Variants in PCDHA13 observed in about 807,000 individuals in gnomAD.
The protein encoded by PCDHA13 is protocadherin alpha-13.
Under a neutral mutation model 64.8 loss-of-function variants are expected in PCDHA13, and 54 were observed. The ratio of observed to expected loss-of-function variants is 0.83; its 90% confidence interval spans 0.67 to 1.04. The LOEUF (loss-of-function observed/expected upper bound fraction) is 1.04. Among genes scored for constraint, PCDHA13 ranks in the 50% least tolerant of loss-of-function variants. The pLI is 0.00. For missense variants in PCDHA13, 1,248 were observed against 1,254.3 expected, an observed-to-expected ratio of 0.99 and a Z score of 0.08; for synonymous variants, 587 against 564.4, an observed-to-expected ratio of 1.04 and a Z score of -0.57.
chr5:140,918,517 G>A (rs2078735105), intron 1 of PCDHA13, among the ~76,000 whole-genome samples: 1 of 152,134 alleles, frequency 6.6e-6, no homozygotes, highest in South Asian at 2.1e-4. Flanking sequence ...TAAACTTATT[G>A]AGGATTGTTT....
rs1223534357 is a variant in PCDHA13, at chr5:140,884,305, G to A, written c.2037G>A (p.Ser679=). 2 of 1,613,602 alleles carry A rather than the reference G, an allele frequency of 1.2e-6. No homozygotes were observed. Among genetic ancestry groups the A allele is most frequent in the Non-Finnish European group, 1.7e-6 (2 of 1,179,856 alleles). ...LVESGQAPQA[S]SRASAGAVGP... is the part of the protein sequence containing the mutation. ...AGAGCGGCCAAGCGCCACAGGCTTC[G>A]TCGAGGGCGTCGGCAGGCGCTGTGG... The change falls in exon 1 of 4, where the codon TCG becomes TCA. Residue 679 remains serine, a synonymous_variant. Transcript: ENST00000289272.
intron 1 of PCDHA13, among the ~76,000 whole-genome samples, chr5:140,945,295 T>G (rs2093770302): frequency 6.6e-6 from 1 of 152,084 alleles, no homozygotes; most frequent in Non-Finnish European, 1.5e-5. Flanking sequence ...TGAAAGAAAT[T>G]GAAGAAGACA....
At chr5:140,959,697 CTTTGAAAGGGA>C (rs2095506406) in intron 1 of PCDHA13, among the ~76,000 whole-genome samples, 1 of 152,008 alleles carries the variant, frequency 6.6e-6, no homozygotes, top group Non-Finnish European at 1.5e-5. Flanking sequence ...ATAAAATGAG[CTTTGAAAGGGA>C]AAATTTTTAG....
intron 1 of PCDHA13, among the ~76,000 whole-genome samples, chr5:140,885,076 A>G (rs1032982957): frequency 1.3e-5 from 2 of 152,226 alleles, no homozygotes; most frequent in African/African-American, 4.8e-5. Context: ...ATTATTTTAA[A>G]GAGCCCCATA....
chr5:140,982,120 T>C (rs1554243763), intron 2 of PCDHA13, among the ~76,000 whole-genome samples: 1 of 152,256 alleles, frequency 6.6e-6, no homozygotes, highest in Non-Finnish European at 1.5e-5. Context: ...CTTGGAACTT[T>C]TGAGAACAAG....
At chr5:140,921,676 T>A (rs2080324583) in intron 1 of PCDHA13, among the ~76,000 whole-genome samples, 1 of 152,178 alleles carries the variant, frequency 6.6e-6, no homozygotes, top group South Asian at 2.1e-4. Flanking sequence ...ACAGTTATCA[T>A]CAAACACTGG....
At chr5:140,891,201 T>C (rs1301476369) in intron 1 of PCDHA13, among the ~76,000 whole-genome samples, 3 of 152,214 alleles carry the variant, frequency 2.0e-5, no homozygotes, top group Non-Finnish European at 4.4e-5. Context: ...TTTGCAGTTT[T>C]ACCATGCTGT....
intron 3 of PCDHA13, among the ~76,000 whole-genome samples, chr5:140,994,821 T>C (rs2097651680): frequency 6.6e-6 from 1 of 152,052 alleles, no homozygotes. Flanking sequence ...AAAAACTGAA[T>C]TGTGTAGTCT....
chr5:140,928,802 TG>T, intron 1 of PCDHA13: 1 of 1,614,142 alleles, frequency 6.2e-7, no homozygotes, highest in South Asian at 1.1e-5. Context: ...GTGGTGGTAG[TG>T]GTTCGGGACC....
intron 1 of PCDHA13, among the ~76,000 whole-genome samples, chr5:140,885,964 G>A (rs1326363408): frequency 6.6e-6 from 1 of 151,886 alleles, no homozygotes; most frequent in Non-Finnish European, 1.5e-5. Flanking sequence ...TTTTTATTTT[G>A]AGATAATTAT....
At chr5:140,928,624 C>T (rs782032190) in intron 1 of PCDHA13, 1 of 1,614,242 alleles carries the variant, frequency 6.2e-7, no homozygotes, top group Non-Finnish European at 8.5e-7. Context: ...CAGGACTGGA[C>T]ACTTGGTCAC....
In PCDHA13 at chr5:140,914,736, T is replaced by C. The variant is rs76155363; in HGVS notation, c.2394+30074T>C. Among the ~76,000 whole-genome samples, 1,216 of 152,300 alleles carry C rather than the reference T, an allele frequency of 8.0e-3. 6 individuals are homozygous for C. Among genetic ancestry groups the C allele is most frequent in the African/African-American group, 0.019 (785 of 41,570 alleles). On this transcript the variant is annotated intron_variant, in intron 1 of 3. Transcript: ENST00000289272. ...TTTTTTATTTTTTGTGTATCCATTG[T>C]ATGTTTTTCCATTTGAGGTTACATG...
chr5:140,982,094 G>T (rs2096965818), intron 2 of PCDHA13, among the ~76,000 whole-genome samples: 1 of 152,230 alleles, frequency 6.6e-6, no homozygotes, highest in Admixed American at 6.5e-5. Context: ...AGGAACAAGA[G>T]AACCTGCAAG....
intron 1 of PCDHA13, 52 bp from the exon 2 acceptor site, chr5:140,978,897 G>T: frequency 6.2e-7 from 1 of 1,612,776 alleles, no homozygotes; most frequent in Non-Finnish European, 8.5e-7. Context: ...AGCATTCCTG[G>T]GAGAACATTG....
At chr5:140,995,267 C>T (rs552857413) in intron 3 of PCDHA13, among the ~76,000 whole-genome samples, 1 of 152,192 alleles carries the variant, frequency 6.6e-6, no homozygotes, top group Non-Finnish European at 1.5e-5. Context: ...GAATACAAGC[C>T]CTTTGATACC....
chr5:140,882,561 G>T lies in PCDHA13; in HGVS notation c.293G>T (p.Arg98Leu), dbSNP rs2059195927. The change falls in exon 1 of 4, where the codon CGG becomes CTG. Residue 98 changes from arginine to leucine, a missense_variant. By Grantham distance (102) the Arg-to-Leu change is moderately radical. Coordinates refer to ENST00000289272, the MANE Select transcript of PCDHA13 (RefSeq NM_018904.3). ...SRIDREELCG[R>L]SAECSIHLEV... ...ATCGACCGCGAGGAGCTGTGTGGGC[G>T]GAGCGCGGAGTGCAGCATCCACCTG... is the stretch of plus-strand genomic sequence containing the variant. The T allele has an allele frequency of 1.2e-6, 2 of 1,614,222 alleles. No individual in the cohort carries two copies. Among genetic ancestry groups the T allele is most frequent in the East Asian group, 4.5e-5 (2 of 44,888 alleles).
At position 140,884,480 on chromosome 5, in the gene PCDHA13, A is replaced by G. The variant is rs782532542; in HGVS notation, c.2212A>G (p.Thr738Ala). ...TEGACAPGKP[T>A]LVCSSAAGSW... Reference sequence around the variant, plus strand: ...GGGCGCGTGCGCGCCGGGCAAGCCCACTCTAGTGTGCTCCAGCGCGGCAGG... The same window carrying G: ...GGGCGCGTGCGCGCCGGGCAAGCCCGCTCTAGTGTGCTCCAGCGCGGCAGG... The change falls in exon 1 of 4, where the codon ACT (threonine) becomes GCT (alanine). Residue 738 changes from threonine (T) to alanine (A), a missense_variant. By Grantham distance (58) the Thr-to-Ala change is moderately conservative. Coordinates refer to ENST00000289272, the MANE Select transcript of PCDHA13 (RefSeq NM_018904.3). 6.2e-7 allele frequency: 1 copy of G among 1,613,780 alleles called. No homozygotes were observed. Among genetic ancestry groups the G allele is most frequent in the South Asian group, 1.1e-5 (1 of 91,042 alleles).
At chr5:140,957,490 G>T (rs921873894) in intron 1 of PCDHA13, among the ~76,000 whole-genome samples, 1 of 152,130 alleles carries the variant, frequency 6.6e-6, no homozygotes, top group South Asian at 2.1e-4. Context: ...CATAGTATAT[G>T]TAGAATTCAG....
At chr5:140,958,375 T>A (rs1554223446) in intron 1 of PCDHA13, among the ~76,000 whole-genome samples, 1 of 152,162 alleles carries the variant, frequency 6.6e-6, no homozygotes, top group Non-Finnish European at 1.5e-5. Flanking sequence ...AATGTTGCTA[T>A]TTTCTTAACA....
Sources: gnomAD v4.1 joint callset for allele counts (sites outside exome capture counted in the v4.1 genomes callset) on GRCh38, gnomAD v4.1.1 for gene constraint, MANE v1.5 for transcripts, NCBI Gene and HGNC (gene_info 2026-07-23, HGNC 2026-07-21) for gene names.